The following CAMKMT variants were observed in gnomAD, a reference collection of about 807,000 sequenced individuals.
CAMKMT encodes calmodulin-lysine N-methyltransferase, also known as CaM KMT.
Under a neutral mutation model 48.0 loss-of-function variants are expected in CAMKMT, and 53 were observed. The observed-to-expected ratio is 1.10, with a 90% CI of 0.89 to 1.39. The LOEUF (loss-of-function observed/expected upper bound fraction) is 1.39. CAMKMT is among the 40% of genes most tolerant of loss of function. The probability of loss-of-function intolerance (pLI) is 0.00; values close to 1 mark genes in which losing one functional copy is unlikely to be tolerated. For synonymous variants in CAMKMT, 165 were observed against 152.3 expected, an observed-to-expected ratio of 1.08 and a Z score of -0.61; for missense variants, 428 against 402.7, an observed-to-expected ratio of 1.06 and a Z score of -0.54.
intron 9 of CAMKMT, among the ~76,000 whole-genome samples, chr2:44,762,832 C>A (rs773990758): frequency 1.3e-5 from 2 of 152,168 alleles, no homozygotes; most frequent in African/African-American, 2.4e-5. Context: ...TAAATGAATT[C>A]TCTTAAATTT....
chr2:44,647,658 C>T (rs1056079943), intron 3 of CAMKMT, among the ~76,000 whole-genome samples: 21 of 152,156 alleles, frequency 1.4e-4, no homozygotes, highest in Non-Finnish European at 2.9e-4. Context: ...GTAATCCTAG[C>T]ACTTCGGGAG....
intron 3 of CAMKMT, among the ~76,000 whole-genome samples, chr2:44,493,097 A>G (rs1055759143): frequency 4.0e-5 from 6 of 151,880 alleles, no homozygotes; most frequent in African/African-American, 1.5e-4. Flanking sequence ...GGGTTTCACC[A>G]TGCTGGCCAG....
At chr2:44,612,952 A>G (rs1003037413) in intron 3 of CAMKMT, among the ~76,000 whole-genome samples, 2 of 152,192 alleles carry the variant, frequency 1.3e-5, no homozygotes, top group African/African-American at 4.8e-5. Flanking sequence ...CCAGTCTACA[A>G]TTTCTGTTGT....
chr2:44,444,334 T>G (rs1666853576), intron 3 of CAMKMT, among the ~76,000 whole-genome samples: 2 of 152,218 alleles, frequency 1.3e-5, no homozygotes, highest in Non-Finnish European at 1.5e-5. Flanking sequence ...TATTATAAGC[T>G]GTCAAGATCA....
At chr2:44,583,722 G>T (rs1669697539) in intron 3 of CAMKMT, among the ~76,000 whole-genome samples, 1 of 152,124 alleles carries the variant, frequency 6.6e-6, no homozygotes, top group African/African-American at 2.4e-5. Context: ...CTTGAGCCCA[G>T]AAGTTCAAGG....
At chr2:44,632,354 A>T (rs181389068) in intron 3 of CAMKMT, among the ~76,000 whole-genome samples, 2 of 152,216 alleles carry the variant, frequency 1.3e-5, no homozygotes, top group East Asian at 3.9e-4. Flanking sequence ...CATTTTTTAA[A>T]CACTTTTCTC....
rs61603790 is a variant in CAMKMT at position 44,593,763 on chromosome 2, C to CTTTTTTT, written c.377-110509_377-110503dup. On this transcript the variant is annotated intron_variant, in intron 3 of 10. Transcript: ENST00000378494. ...GGGAATTTTTGAAAAAGACAACTTC[C>CTTTTTTT]TTTTTTTTTTTTTTTTTGAGGCGGA... 3.1e-4 allele frequency among the ~76,000 whole-genome samples: 38 copies of CTTTTTTT among 122,658 alleles called. 1 individual carries two copies. The highest frequency in any genetic ancestry group is 7.8e-4 in the African/African-American group (25 of 31,914). 80.5% of individuals were successfully genotyped at this position (122,658 alleles called of 152,430 possible).
At chr2:44,602,657 G>C (rs1299010832) in intron 3 of CAMKMT, among the ~76,000 whole-genome samples, 1 of 152,026 alleles carries the variant, frequency 6.6e-6, no homozygotes, top group Non-Finnish European at 1.5e-5. Context: ...AAAGTGAAGG[G>C]GAAGCAAGCA....
At chr2:44,400,355 A>G (rs1341802462) in intron 3 of CAMKMT, among the ~76,000 whole-genome samples, 1 of 152,184 alleles carries the variant, frequency 6.6e-6, no homozygotes, top group East Asian at 1.9e-4. Flanking sequence ...TTTTAGAGAA[A>G]AAAAAAATGA....
At chr2:44,471,958 G>A (rs963193228) in intron 3 of CAMKMT, among the ~76,000 whole-genome samples, 3 of 152,182 alleles carry the variant, frequency 2.0e-5, no homozygotes, top group African/African-American at 4.8e-5. Flanking sequence ...TGGGATTACA[G>A]GCGTGAGCCA....
chr2:44,556,297 C>G (rs893018699), intron 3 of CAMKMT, among the ~76,000 whole-genome samples: 1 of 151,796 alleles, frequency 6.6e-6, no homozygotes, highest in Non-Finnish European at 1.5e-5. Context: ...TGCCACCACA[C>G]CTGGCTAATT....
At chr2:44,423,192 T>A (rs1358560743) in intron 3 of CAMKMT, among the ~76,000 whole-genome samples, 1 of 152,124 alleles carries the variant, frequency 6.6e-6, no homozygotes, top group Non-Finnish European at 1.5e-5. Context: ...TTTATTTATT[T>A]ATTTTGAGAC....
intron 3 of CAMKMT, among the ~76,000 whole-genome samples, chr2:44,438,647 C>T (rs992975365): frequency 1.3e-5 from 2 of 152,084 alleles, no homozygotes; most frequent in South Asian, 2.1e-4. Context: ...CTCACCATTT[C>T]CACCTTTATA....
At chr2:44,510,184 C>T (rs567775744) in intron 3 of CAMKMT, among the ~76,000 whole-genome samples, 1 of 152,288 alleles carries the variant, frequency 6.6e-6, no homozygotes, top group South Asian at 2.1e-4. Flanking sequence ...ATGATCCAAT[C>T]CAAGAGCACA....
At chr2:44,685,762 T>G (rs571982476) in intron 3 of CAMKMT, among the ~76,000 whole-genome samples, 1 of 152,178 alleles carries the variant, frequency 6.6e-6, no homozygotes. Context: ...ATGAAAGTAT[T>G]AATTGAATAG....
At chr2:44,556,323 G>C (rs1668001474) in intron 3 of CAMKMT, among the ~76,000 whole-genome samples, 1 of 151,770 alleles carries the variant, frequency 6.6e-6, no homozygotes, top group South Asian at 2.1e-4. Context: ...ATTTTTAGTA[G>C]AGACAGGGTT....
chr2:44,591,136 G>A (rs62132283), intron 3 of CAMKMT, among the ~76,000 whole-genome samples: 93,186 of 146,100 alleles, frequency 0.64, 30,290 homozygotes, highest in Admixed American at 0.7. Context: ...TACCAGTACC[G>A]TGCTGTTTTG....
intron 3 of CAMKMT, among the ~76,000 whole-genome samples, chr2:44,498,376 C>A (rs1043788050): frequency 1.3e-5 from 2 of 152,098 alleles, no homozygotes; most frequent in African/African-American, 2.4e-5. Context: ...TAAAGTAAAA[C>A]AAGCTATTTA....
chr2:44,400,431 C>A (rs1682257779), intron 3 of CAMKMT, among the ~76,000 whole-genome samples: 1 of 151,984 alleles, frequency 6.6e-6, no homozygotes, highest in Non-Finnish European at 1.5e-5. Flanking sequence ...CTTTATTTTG[C>A]CTTGGCACTC....
Sources: gnomAD v4.1 joint callset for allele counts (sites outside exome capture counted in the v4.1 genomes callset) on GRCh38, gnomAD v4.1.1 for gene constraint, MANE v1.5 for transcripts, NCBI Gene and HGNC (gene_info 2026-07-23, HGNC 2026-07-21) for gene names.